MBNL2: variants seen among roughly 807,000 people sequenced by gnomAD.
MBNL2 encodes muscleblind like splicing regulator 2.
MBNL2 carries 17 observed loss-of-function variants against 41.9 expected under a neutral mutation model. The observed-to-expected ratio is 0.41, with a 90% CI of 0.28 to 0.61. MBNL2 has a LOEUF of 0.61. MBNL2 is among the 20% of genes least tolerant of loss of function. MBNL2 has a pLI of 0.35. For synonymous variants in MBNL2, 195 were observed against 182.9 expected, an observed-to-expected ratio of 1.07 and a Z score of -0.53; for missense variants, 336 against 505.6, an observed-to-expected ratio of 0.66 and a Z score of 3.22.
chr13:97,343,956 G>A lies in MBNL2; in HGVS notation c.540+740G>A, dbSNP rs540382233. ...CAAGTAGCTGGGATTATAGGCATGC[G>A]CCACCACGCCTGGCCAATTTTGTAT... On this transcript the variant is annotated intron_variant, in intron 4 of 8. Transcript: ENST00000679496. Among the ~76,000 whole-genome samples the A allele has an allele frequency of 1.1e-4, 16 of 152,190 alleles. No individual in the cohort carries two copies. In the East Asian group the frequency reaches 1.4e-3, roughly 13 times the overall value.
chr13:97,189,691 A>G, the MBNL2 span, among the ~76,000 whole-genome samples: 6 of 152,160 alleles, frequency 3.9e-5, no homozygotes, highest in East Asian at 9.6e-4. Flanking sequence ...TTTTATGTCT[A>G]TATATACATA....
chr13:97,219,202 C>T (rs77113714), upstream of MBNL2, among the ~76,000 whole-genome samples: 6,034 of 152,124 alleles, frequency 0.04, 392 homozygotes, highest in African/African-American at 0.14. Context: ...ATTTGAGATG[C>T]ACTGCTCTGG....
At chr13:97,349,796 GGC>G (rs1270189154) in intron 5 of MBNL2, among the ~76,000 whole-genome samples, 1 of 152,108 alleles carries the variant, frequency 6.6e-6, no homozygotes, top group African/African-American at 2.4e-5. Flanking sequence ...CTCTTACTAT[GGC>G]CACACCATTC....
chr13:97,343,147 C>T lies in MBNL2; in HGVS notation c.471C>T (p.Pro157=), dbSNP rs1160679987. 5.6e-6 allele frequency: 9 copies of T among 1,613,814 alleles called. No homozygotes were observed. In the African/African-American group the frequency reaches 6.7e-5, roughly 12 times the overall value. ...EILPTTPVIV[P]GSPPVTVPGS... The stretch of plus-strand genomic sequence containing the variant: ...TGCCCACCACGCCTGTTATTGTTCC[C>T]GGAAGTCCACCGGTCACTGTCCCGG... The change falls in exon 4 of 9, where the codon CCC becomes CCT. Residue 157 remains proline, a synonymous_variant. Transcript: ENST00000679496.
the MBNL2 span, among the ~76,000 whole-genome samples, chr13:97,193,048 C>G: frequency 6.6e-6 from 1 of 152,218 alleles, no homozygotes; most frequent in South Asian, 2.1e-4. Flanking sequence ...AGAACCCTGA[C>G]ATTTTTTTAG....
chr13:97,321,874 T>C (rs543591107), intron 2 of MBNL2, among the ~76,000 whole-genome samples: 4 of 152,302 alleles, frequency 2.6e-5, no homozygotes, highest in Non-Finnish European at 5.9e-5. Flanking sequence ...CATGGAAAGT[T>C]ATCTCCCCCT....
At chr13:97,154,559 G>C in the MBNL2 span, among the ~76,000 whole-genome samples, 841 of 152,160 alleles carry the variant, frequency 5.5e-3, 10 homozygotes, top group African/African-American at 0.019. Flanking sequence ...GAAGGAATCT[G>C]CCTGCCTTGG....
Position 97,392,522 on chromosome 13 carries a change from T to C in MBNL2, c.*1073T>C, listed in dbSNP as rs1327020133. Reference sequence around the variant, plus strand: ...TTCTTTCACCTTAAAGCATATTTTATGTCTCAAAAGTATAAAAAACTTTAA... The same window carrying C: ...TTCTTTCACCTTAAAGCATATTTTACGTCTCAAAAGTATAAAAAACTTTAA... On this transcript the variant is annotated 3_prime_UTR_variant, in exon 9 of 9. Transcript: ENST00000679496. The C allele has an allele frequency of 1.3e-5, 2 of 152,498 alleles. No individual in the cohort carries two copies. The highest frequency in any genetic ancestry group is 1.5e-5 in the Non-Finnish European group (1 of 67,994). 9.4% of individuals were successfully genotyped at this position (152,498 alleles called of 1,614,324 possible).
chr13:97,157,737 G>A, the MBNL2 span, among the ~76,000 whole-genome samples: 1 of 148,444 alleles, frequency 6.7e-6, no homozygotes, highest in African/African-American at 2.5e-5. Flanking sequence ...GCATCCCAGG[G>A]ATGAAGCCCA....
the MBNL2 span, among the ~76,000 whole-genome samples, chr13:97,191,500 C>G: frequency 1.3e-5 from 2 of 151,922 alleles, no homozygotes; most frequent in Admixed American, 6.6e-5. Flanking sequence ...TTTAGCTGAA[C>G]TAAGGAAAAG....
At chr13:97,374,062 C>CCTTTTTTTT (rs1594284568) in intron 8 of MBNL2, among the ~76,000 whole-genome samples, 5 of 53,388 alleles carry the variant, frequency 9.4e-5, no homozygotes, top group Non-Finnish European at 2.0e-4. Context: ...TCCTCCTTTG[C>CCTTTTTTTT]ATTTTTTTTT....
intron 1 of MBNL2, among the ~76,000 whole-genome samples, chr13:97,244,067 A>G (rs1373113987): frequency 6.6e-6 from 1 of 152,206 alleles, no homozygotes; most frequent in Non-Finnish European, 1.5e-5. Flanking sequence ...TGACCAAATA[A>G]AAAACAGATT....
intron 2 of MBNL2, among the ~76,000 whole-genome samples, chr13:97,283,704 A>G (rs1277777305): frequency 2.6e-5 from 4 of 152,182 alleles, no homozygotes; most frequent in African/African-American, 9.7e-5. Context: ...GAAACATTTA[A>G]GAAGGCCTGA....
chr13:97,229,630 G>C (rs1342241758), intron 1 of MBNL2, among the ~76,000 whole-genome samples: 1 of 152,116 alleles, frequency 6.6e-6, no homozygotes, highest in African/African-American at 2.4e-5. Flanking sequence ...AGGAGGAATA[G>C]CATGATGTGG....
chr13:97,331,403 A>G (rs1443155791), intron 2 of MBNL2, among the ~76,000 whole-genome samples: 1 of 152,182 alleles, frequency 6.6e-6, no homozygotes, highest in Non-Finnish European at 1.5e-5. Context: ...TCCTCCTACC[A>G]ACGGATAGGT....
intron 1 of MBNL2, among the ~76,000 whole-genome samples, chr13:97,260,594 A>G (rs1419672046): frequency 6.6e-6 from 1 of 152,206 alleles, no homozygotes; most frequent in African/African-American, 2.4e-5. Flanking sequence ...GCCGTTAGGA[A>G]TGTGGATCCA....
rs1594051497 is a variant in MBNL2 at position 97,222,473 on chromosome 13, G to A, written c.-663G>A. ...GCGGTGGAGAAGCCTCGGCCACTTG[G>A]TTCTGCCAGATGTTCCTGGGGTTAC... On this transcript the variant is annotated 5_prime_UTR_variant, in exon 1 of 9. Coordinates refer to ENST00000679496, the MANE Select transcript of MBNL2 (RefSeq NM_001382683.1). The A allele has an allele frequency of 2.5e-6, 1 of 398,518 alleles. No homozygotes were observed. Among genetic ancestry groups the A allele is most frequent in the African/African-American group, 2.1e-5 (1 of 48,612 alleles). 24.7% of individuals were successfully genotyped at this position (398,518 alleles called of 1,614,324 possible). A position where few individuals can be genotyped will look rare whatever the true frequency, so the allele number is the denominator to read the frequency against.
At chr13:97,304,998 T>TA (rs1431962480) in intron 2 of MBNL2, among the ~76,000 whole-genome samples, 5 of 152,032 alleles carry the variant, frequency 3.3e-5, no homozygotes, top group African/African-American at 1.2e-4. Context: ...ATCTGCTGCT[T>TA]AAAAAAAATA....
the MBNL2 span, among the ~76,000 whole-genome samples, chr13:97,173,067 G>T: frequency 6.6e-6 from 1 of 152,112 alleles, no homozygotes. Context: ...GAAAAGTGAG[G>T]AAGAAAAGGG....
Sources: gnomAD v4.1 joint callset for allele counts (sites outside exome capture counted in the v4.1 genomes callset) on GRCh38, gnomAD v4.1.1 for gene constraint, MANE v1.5 for transcripts, NCBI Gene and HGNC (gene_info 2026-07-23, HGNC 2026-07-21) for gene names.